CLVS1: variants seen among roughly 807,000 people sequenced by gnomAD.
The protein encoded by CLVS1 is clavesin-1.
A neutral mutation model predicts 33.1 loss-of-function variants in CLVS1; 10 were observed. The observed-to-expected ratio is 0.30, with a 90% CI of 0.19 to 0.51. The LOEUF (loss-of-function observed/expected upper bound fraction) is 0.51, where lower values mean the gene tolerates loss of function less well. CLVS1 is among the 20% of genes least tolerant of loss of function. CLVS1 has a pLI of 0.97. For missense variants in CLVS1, 343 were observed against 433.4 expected, an observed-to-expected ratio of 0.79 and a Z score of 1.85; for synonymous variants, 163 against 166.1, an observed-to-expected ratio of 0.98 and a Z score of 0.14.
chr8:61,365,411 C>T (rs536631090), intron 2 of CLVS1, among the ~76,000 whole-genome samples: 15 of 152,096 alleles, frequency 9.9e-5, no homozygotes, highest in Admixed American at 2.0e-4. Context: ...CCTGTAATCC[C>T]GGCTACTCGG....
At chr8:61,073,828 C>T (rs879407576) in intron 1 of CLVS1, among the ~76,000 whole-genome samples, 208 of 150,890 alleles carry the variant, frequency 1.4e-3, no homozygotes, top group Admixed American at 3.3e-3. Context: ...CTGGCTAACA[C>T]GGTGAAACCC....
chr8:61,317,808 G>A (rs1348969375), intron 2 of CLVS1, among the ~76,000 whole-genome samples: 4 of 152,126 alleles, frequency 2.6e-5, no homozygotes, highest in Non-Finnish European at 5.9e-5. Flanking sequence ...GCTTGACTCT[G>A]AACTCTCCTA....
At chr8:61,054,369 A>G (rs879318786), upstream of CLVS1, among the ~76,000 whole-genome samples, 1 of 152,112 alleles carries the variant, frequency 6.6e-6, no homozygotes, top group Non-Finnish European at 1.5e-5. Flanking sequence ...GCTGCCAGGG[A>G]TCAGTACTGG....
intron 2 of CLVS1, among the ~76,000 whole-genome samples, chr8:61,307,448 C>T (rs925312117): frequency 2.0e-5 from 3 of 151,810 alleles, no homozygotes; most frequent in South Asian, 2.1e-4. Flanking sequence ...GAGCAAGGGC[C>T]GAAAGGTTGG....
intron 5 of CLVS1, chr8:61,465,766 A>C (rs956887233): frequency 1.3e-5 from 2 of 151,922 alleles, no homozygotes; most frequent in Admixed American, 1.3e-4. Context: ...GGTTCAACTG[A>C]CCCTCCTGCC....
chr8:61,098,516 A>G (rs1225230740), intron 1 of CLVS1, among the ~76,000 whole-genome samples: 1 of 151,842 alleles, frequency 6.6e-6, no homozygotes, highest in East Asian at 1.9e-4. Flanking sequence ...AGAGCTTTTA[A>G]TTATGCATAA....
chr8:61,478,415 G>T lies in CLVS1; in HGVS notation c.977+19873G>T, dbSNP rs1413953175. Among the ~76,000 whole-genome samples, 7 of 152,234 alleles carry T rather than the reference G, an allele frequency of 4.6e-5. No homozygotes were observed. The South Asian group carries it at 1.0e-3, about 23-fold the overall frequency. ...ATGATCTGTCTAATGTTGACAGTGG[G>T]GTGTTGAAGTCTCCCATTATTATTG... On this transcript the variant is annotated intron_variant, in intron 5 of 5. Transcript: ENST00000325897.
intron 2 of CLVS1, among the ~76,000 whole-genome samples, chr8:61,276,333 AT>A (rs1465433698): frequency 3.3e-5 from 5 of 151,998 alleles, no homozygotes; most frequent in Non-Finnish European, 7.4e-5. Flanking sequence ...CTTGGAATAT[AT>A]TTTTCTTTTC....
chr8:61,400,441 A>T (rs1397434842), intron 3 of CLVS1, among the ~76,000 whole-genome samples: 1 of 152,184 alleles, frequency 6.6e-6, no homozygotes, highest in East Asian at 1.9e-4. Context: ...GGATGAGATG[A>T]TGGCATTTTC....
At chr8:60,984,206 T>C in the CLVS1 span, among the ~76,000 whole-genome samples, 1 of 152,246 alleles carries the variant, frequency 6.6e-6, no homozygotes, top group Non-Finnish European at 1.5e-5. Context: ...TGTGTGTAGC[T>C]TCTTGTCCCA....
chr8:61,463,443 T>C (rs1007483389), intron 5 of CLVS1, among the ~76,000 whole-genome samples: 1 of 152,226 alleles, frequency 6.6e-6, no homozygotes, highest in Non-Finnish European at 1.5e-5. Context: ...GAGCTTTCAG[T>C]GTGCCTTCCT....
intron 1 of CLVS1, among the ~76,000 whole-genome samples, chr8:61,108,498 T>C (rs1388118513): frequency 6.6e-6 from 1 of 152,180 alleles, no homozygotes; most frequent in Non-Finnish European, 1.5e-5. Flanking sequence ...TATATGTATA[T>C]ACACCCTGAG....
intron 1 of CLVS1, among the ~76,000 whole-genome samples, chr8:61,290,628 T>G (rs918891303): frequency 6.6e-6 from 1 of 152,184 alleles, no homozygotes. Context: ...CCCTAAGAAG[T>G]CTATTCACAA....
At chr8:61,023,659 C>G in the CLVS1 span, among the ~76,000 whole-genome samples, 1 of 152,124 alleles carries the variant, frequency 6.6e-6, no homozygotes, top group South Asian at 2.1e-4. Context: ...CGTGGCGGGC[C>G]CGGTGAGTCG....
the CLVS1 span, chr8:60,966,584 A>C: frequency 3.9e-6 from 1 of 253,750 alleles, no homozygotes; most frequent in Non-Finnish European, 8.1e-6. Context: ...GATGTCCTAC[A>C]TATCTTTCTG....
chr8:61,116,553 T>C (rs1250805439), intron 1 of CLVS1, among the ~76,000 whole-genome samples: 3 of 152,164 alleles, frequency 2.0e-5, no homozygotes, highest in African/African-American at 7.2e-5. Context: ...TTGTATAAGG[T>C]GTAACAAAGG....
intron 3 of CLVS1, among the ~76,000 whole-genome samples, chr8:61,415,368 C>T (rs990068980): frequency 6.6e-6 from 1 of 152,206 alleles, no homozygotes; most frequent in African/African-American, 2.4e-5. Flanking sequence ...ACTGCTGTCA[C>T]AATCCCAATC....
intron 2 of CLVS1, among the ~76,000 whole-genome samples, chr8:61,132,911 C>G (rs1157369523): frequency 6.6e-6 from 1 of 152,184 alleles, no homozygotes; most frequent in African/African-American, 2.4e-5. Flanking sequence ...CATTGCTGCT[C>G]TGTGCCAGGT....
At chr8:61,341,172 T>A (rs1011469434) in intron 2 of CLVS1, among the ~76,000 whole-genome samples, 3 of 152,230 alleles carry the variant, frequency 2.0e-5, no homozygotes, top group African/African-American at 7.2e-5. Flanking sequence ...CGTGATCATT[T>A]CAGTGTTTGT....
Sources: allele counts gnomAD v4.1 joint callset (sites outside exome capture counted in the v4.1 genomes callset), GRCh38; gene constraint gnomAD v4.1.1; transcripts MANE v1.5; gene names NCBI Gene and HGNC (gene_info 2026-07-23, HGNC 2026-07-21).